The following KCTD8 variants were observed in gnomAD, a reference collection of about 807,000 sequenced individuals.
The protein encoded by KCTD8 is BTB/POZ domain-containing protein KCTD8.
A neutral mutation model predicts 31.5 loss-of-function variants in KCTD8; 27 were observed. That is an observed-to-expected ratio of 0.86 (90% CI 0.63 to 1.18). The LOEUF (loss-of-function observed/expected upper bound fraction) is 1.18, where lower values mean the gene tolerates loss of function less well. Among genes scored for constraint, KCTD8 ranks in the 50% most tolerant of loss-of-function variants. KCTD8 has a pLI of 0.00. For synonymous variants in KCTD8, 290 were observed against 280.0 expected, an observed-to-expected ratio of 1.04 and a Z score of -0.36; for missense variants, 658 against 647.7, an observed-to-expected ratio of 1.02 and a Z score of -0.17.
chr4:44,348,315 G>A (rs921995334), intron 1 of KCTD8, among the ~76,000 whole-genome samples: 4 of 152,042 alleles, frequency 2.6e-5, no homozygotes, highest in Non-Finnish European at 4.4e-5. Flanking sequence ...CAATAATGCC[G>A]CTATCAATGT....
chr4:44,195,586 G>T (rs1490968232), intron 1 of KCTD8, among the ~76,000 whole-genome samples: 5 of 151,928 alleles, frequency 3.3e-5, no homozygotes, highest in African/African-American at 9.7e-5. Flanking sequence ...TTTCTTTTTT[G>T]TTTATAATAG....
At chr4:44,345,377 C>CA (rs1248346982) in intron 1 of KCTD8, among the ~76,000 whole-genome samples, 1 of 151,894 alleles carries the variant, frequency 6.6e-6, no homozygotes, top group African/African-American at 2.4e-5. Context: ...AAACTGCCCC[C>CA]AAAAATGGTT....
At chr4:44,343,867 GT>G (rs1338647893) in intron 1 of KCTD8, among the ~76,000 whole-genome samples, 1 of 151,856 alleles carries the variant, frequency 6.6e-6, no homozygotes, top group Non-Finnish European at 1.5e-5. Flanking sequence ...TGTTTGTTTT[GT>G]TTTGTTTTTG....
intron 1 of KCTD8, among the ~76,000 whole-genome samples, chr4:44,251,229 C>T (rs1413000642): frequency 6.6e-6 from 1 of 151,658 alleles, no homozygotes; most frequent in Non-Finnish European, 1.5e-5. Flanking sequence ...AATTGTCACA[C>T]CTTTTAGTAA....
At chr4:44,321,149 ATC>A in intron 1 of KCTD8, among the ~76,000 whole-genome samples, 1 of 152,322 alleles carries the variant, frequency 6.6e-6, no homozygotes, top group Non-Finnish European at 1.5e-5. Context: ...CCTTCAAAGT[ATC>A]TGTTTAAATA....
At chr4:44,245,447 G>C (rs1454854290) in intron 1 of KCTD8, among the ~76,000 whole-genome samples, 1 of 151,980 alleles carries the variant, frequency 6.6e-6, no homozygotes, top group Non-Finnish European at 1.5e-5. Context: ...TATTTAGCTA[G>C]CAAATATACA....
At chr4:44,204,674 G>T (rs1045994975) in intron 1 of KCTD8, among the ~76,000 whole-genome samples, 7 of 152,052 alleles carry the variant, frequency 4.6e-5, no homozygotes, top group African/African-American at 1.7e-4. Flanking sequence ...TATCTGAGGG[G>T]TTTTGTCTGT....
At position 44,448,439 on chromosome 4, in the gene KCTD8, A is replaced by G. The variant is rs2109490882; in HGVS notation, c.85T>C (p.Ser29Pro). ...MVSSSSSPGA[S>P]AAAAPGPCAP... ...CAGGGCCCCGGGGCGGCGGCGGCCG[A>G]CGCGCCGGGCGAGCTGGACGAGGAA... The change falls in exon 1 of 2, where the codon TCG becomes CCG. Residue 29 changes from serine (S) to proline (P), a missense_variant. Ser to Pro is a moderately conservative substitution (Grantham distance 74). Coordinates refer to ENST00000360029, the MANE Select transcript of KCTD8 (RefSeq NM_198353.3). The surrounding 1 kb of genome is among the most constrained non-coding windows in gnomAD (Gnocchi z 4.1). The G allele has an allele frequency of 6.5e-7, 1 of 1,546,904 alleles. No homozygotes were observed. Among genetic ancestry groups the G allele is most frequent in the Non-Finnish European group, 8.7e-7 (1 of 1,154,872 alleles).
chr4:44,189,862 T>C (rs888752963), intron 1 of KCTD8, among the ~76,000 whole-genome samples: 1 of 152,212 alleles, frequency 6.6e-6, no homozygotes, highest in African/African-American at 2.4e-5. Flanking sequence ...CCTATTTTTA[T>C]AGAAGCACCA....
chr4:44,263,233 G>T (rs545266273), intron 1 of KCTD8, among the ~76,000 whole-genome samples: 72 of 152,172 alleles, frequency 4.7e-4, no homozygotes, highest in Non-Finnish European at 9.6e-4. Context: ...AGTTAACATG[G>T]ATTTCTGTGT....
rs1409036983 is a variant in KCTD8 at position 44,419,743 on chromosome 4, C to G, written c.961+27820G>C. On this transcript the variant is annotated intron_variant, in intron 1 of 1. Coordinates refer to ENST00000360029, the MANE Select transcript of KCTD8 (RefSeq NM_198353.3). Reference sequence around the variant, plus strand: ...GAAGGGATAGCATTAGGAGAAATACCTAATGTAAATGACTAGTTGATGGGC... The same window carrying G: ...GAAGGGATAGCATTAGGAGAAATACGTAATGTAAATGACTAGTTGATGGGC... 2.6e-5 allele frequency among the ~76,000 whole-genome samples: 4 copies of G among 152,056 alleles called. No individual in the cohort carries two copies. The South Asian group carries it at 6.2e-4, about 24-fold the overall frequency.
intron 1 of KCTD8, among the ~76,000 whole-genome samples, chr4:44,321,844 A>T (rs1577615161): frequency 6.6e-6 from 1 of 150,944 alleles, no homozygotes; most frequent in East Asian, 1.9e-4. Context: ...ATGAGTGAGA[A>T]CATGTAATAT....
chr4:44,348,155 G>T (rs996296271), intron 1 of KCTD8, among the ~76,000 whole-genome samples: 8 of 152,080 alleles, frequency 5.3e-5, no homozygotes, highest in Non-Finnish European at 1.2e-4. Context: ...AAAAGAACAT[G>T]CAACTTTGCA....
rs1338603412 is a variant in KCTD8, at chr4:44,448,510, T to C, written c.14A>G (p.Asp5Gly). The change falls in exon 1 of 2, where the codon GAC becomes GGC. Residue 5 changes from aspartate (D) to glycine (G), a missense_variant. Transcript: ENST00000360029. This position sits in a 1 kb window ranked among gnomAD's most constrained non-coding sequence, Gnocchi z 4.1. ...GATGGTGCTGCCGCCGCTGCCCGTG[T>C]CCTTCAGAGCCATAGTCCCCCCGCC... MALK[D>G]TGSGGSTILP... 5 of 1,487,832 alleles carry C rather than the reference T, an allele frequency of 3.4e-6. No homozygotes were observed. In the East Asian group the frequency reaches 1.2e-4, roughly 36 times the overall value. The allele number at this position is 1,487,832 out of a possible 1,614,324, so 92.2% of individuals were successfully genotyped here.
At chr4:44,352,964 A>G (rs1314570196) in intron 1 of KCTD8, among the ~76,000 whole-genome samples, 1 of 152,140 alleles carries the variant, frequency 6.6e-6, no homozygotes, top group East Asian at 1.9e-4. Flanking sequence ...ATCATTTTAA[A>G]TTAAGTATAA....
chr4:44,366,598 T>C (rs1719642888), intron 1 of KCTD8, among the ~76,000 whole-genome samples: 1 of 152,168 alleles, frequency 6.6e-6, no homozygotes, highest in Non-Finnish European at 1.5e-5. Context: ...GTAGTTTCTT[T>C]ATAGCAGCGT....
chr4:44,311,871 C>G (rs367945625), intron 1 of KCTD8, among the ~76,000 whole-genome samples: 3 of 150,106 alleles, frequency 2.0e-5, no homozygotes, highest in African/African-American at 7.4e-5. Flanking sequence ...TCCTAGATGA[C>G]ACTTAAATGG....
intron 1 of KCTD8, among the ~76,000 whole-genome samples, chr4:44,377,495 C>T (rs996191507): frequency 2.0e-5 from 3 of 152,136 alleles, no homozygotes. Context: ...CTGAGTGCCT[C>T]AAGCATAGCC....
At chr4:44,305,352 T>C (rs1188183784) in intron 1 of KCTD8, among the ~76,000 whole-genome samples, 1 of 151,662 alleles carries the variant, frequency 6.6e-6, no homozygotes, top group Non-Finnish European at 1.5e-5. Context: ...CAAAAAAATT[T>C]TACAAGTTAA....
Sources: gnomAD v4.1 joint callset for allele counts (sites outside exome capture counted in the v4.1 genomes callset) on GRCh38, gnomAD v4.1.1 for gene constraint, Gnocchi (gnomAD v3.1) non-coding constraint, MANE v1.5 for transcripts, NCBI Gene and HGNC (gene_info 2026-07-23, HGNC 2026-07-21) for gene names.